The following NRXN3 variants were observed in gnomAD, a reference collection of about 807,000 sequenced individuals.
NRXN3 encodes neurexin III.
In NRXN3, 32 loss-of-function variants were observed where a neutral mutation model predicts 137.6. The ratio of observed to expected loss-of-function variants is 0.23; its 90% CI spans 0.18 to 0.31. The LOEUF is 0.31. Ranked by LOEUF, NRXN3 falls within the 10% of genes least tolerant of loss-of-function variation. The pLI is 1.00. For synonymous variants in NRXN3, 798 were observed against 784.5 expected (o/e 1.02, Z -0.29); for missense variants, 1,574 against 2,062.5 (o/e 0.76, Z 4.59).
chr14:79,416,743 C>T (rs373881996), intron 15 of NRXN3, among the ~76,000 whole-genome samples: 19 of 152,234 alleles, frequency 1.2e-4, no homozygotes, highest in African/African-American at 4.3e-4. Flanking sequence ...ATAGTCAGCC[C>T]ACTTTTCTTC....
intron 15 of NRXN3, among the ~76,000 whole-genome samples, chr14:79,372,718 T>G (rs2094146406): frequency 6.6e-6 from 1 of 152,154 alleles, no homozygotes; most frequent in African/African-American, 2.4e-5. Context: ...TGAATGATTT[T>G]AATATTAGCT....
chr14:79,568,863 C>T (rs2097572650), intron 16 of NRXN3, among the ~76,000 whole-genome samples: 1 of 152,110 alleles, frequency 6.6e-6, no homozygotes, highest in African/African-American at 2.4e-5. Context: ...GTAACAGTAA[C>T]AGAAGAACAT....
intron 15 of NRXN3, among the ~76,000 whole-genome samples, chr14:79,244,411 C>A (rs559405626): frequency 3.3e-5 from 5 of 152,280 alleles, no homozygotes; most frequent in Admixed American, 3.3e-4. Flanking sequence ...TAACCTGCCA[C>A]AGCCTTATGG....
chr14:79,704,546 G>T (rs545438131), intron 19 of NRXN3, among the ~76,000 whole-genome samples: 1 of 152,010 alleles, frequency 6.6e-6, no homozygotes, highest in African/African-American at 2.4e-5. Flanking sequence ...CAGAGCCTCC[G>T]GGGGAAGTTT....
intron 1 of NRXN3, among the ~76,000 whole-genome samples, chr14:78,214,639 A>G (rs1313712636): frequency 6.6e-6 from 1 of 152,206 alleles, no homozygotes; most frequent in African/African-American, 2.4e-5. Flanking sequence ...GTAAAAAGAA[A>G]ATAAGTGTTG....
chr14:78,709,938 A>T, intron 7 of NRXN3: 2 of 406,138 alleles, frequency 4.9e-6, no homozygotes, highest in Non-Finnish European at 9.0e-6. Context: ...TTCCACTGCT[A>T]CCAGAGCAAC....
intron 10 of NRXN3, among the ~76,000 whole-genome samples, chr14:78,813,464 A>G (rs989940774): frequency 6.6e-6 from 1 of 152,032 alleles, no homozygotes; most frequent in Non-Finnish European, 1.5e-5. Context: ...TCTTGCTGCT[A>G]TTTCAATAGA....
intron 15 of NRXN3, among the ~76,000 whole-genome samples, chr14:79,074,314 A>G (rs971588123): frequency 2.0e-5 from 3 of 152,226 alleles, no homozygotes; most frequent in Non-Finnish European, 4.4e-5. Context: ...TGTACTTCCA[A>G]TGAGTTGAAA....
At chr14:78,618,475 G>A (rs1165899527) in intron 4 of NRXN3, among the ~76,000 whole-genome samples, 1 of 152,208 alleles carries the variant, frequency 6.6e-6, no homozygotes, top group Non-Finnish European at 1.5e-5. Context: ...TGTGCTGGAA[G>A]TTAGCTGAAG....
At chr14:78,282,722 G>A (rs1188493161) in intron 3 of NRXN3, among the ~76,000 whole-genome samples, 2 of 152,266 alleles carry the variant, frequency 1.3e-5, no homozygotes, top group South Asian at 2.1e-4. Context: ...CTCCTCCATT[G>A]TAAGTCATCT....
chr14:78,949,914 A>T (rs1394615094), intron 10 of NRXN3, among the ~76,000 whole-genome samples: 1 of 152,170 alleles, frequency 6.6e-6, no homozygotes, highest in African/African-American at 2.4e-5. Flanking sequence ...CTTAAATTAG[A>T]AATGTATTAG....
chr14:79,194,388 A>G (rs1483637292), intron 15 of NRXN3, among the ~76,000 whole-genome samples: 1 of 152,216 alleles, frequency 6.6e-6, no homozygotes, highest in Non-Finnish European at 1.5e-5. Flanking sequence ...GGAACTTCCA[A>G]ATGAACATAT....
intron 2 of NRXN3, among the ~76,000 whole-genome samples, chr14:78,246,303 T>G (rs2067665777): frequency 6.6e-6 from 1 of 152,238 alleles, no homozygotes; most frequent in African/African-American, 2.4e-5. Flanking sequence ...CAGCTCCCAG[T>G]GGAATTTCTT....
intron 15 of NRXN3, among the ~76,000 whole-genome samples, chr14:79,080,005 T>G (rs2046660558): frequency 6.6e-6 from 1 of 151,884 alleles, no homozygotes; most frequent in South Asian, 2.1e-4. Context: ...AAAGTCAAAC[T>G]AGATCACCAT....
At chr14:79,583,710 G>A (rs2153813485) in intron 16 of NRXN3, among the ~76,000 whole-genome samples, 1 of 152,248 alleles carries the variant, frequency 6.6e-6, no homozygotes, top group East Asian at 1.9e-4. Flanking sequence ...TTTGGAGAAA[G>A]GCAGCCCCTC....
At chr14:79,178,184 T>G (rs1231442612) in intron 15 of NRXN3, among the ~76,000 whole-genome samples, 1 of 152,198 alleles carries the variant, frequency 6.6e-6, no homozygotes, top group Non-Finnish European at 1.5e-5. Context: ...CTGAGTTGCA[T>G]TTGTCATACC....
At chr14:79,827,508 C>G (rs898908863) in intron 20 of NRXN3, among the ~76,000 whole-genome samples, 1 of 151,868 alleles carries the variant, frequency 6.6e-6, no homozygotes, top group Non-Finnish European at 1.5e-5. Context: ...AAGAAATACC[C>G]GAGACTGGGT....
At chr14:79,330,701 A>T (rs1407263372) in intron 15 of NRXN3, among the ~76,000 whole-genome samples, 4 of 152,212 alleles carry the variant, frequency 2.6e-5, no homozygotes, top group Admixed American at 2.6e-4. Flanking sequence ...TGGAGAAAGC[A>T]TAGAGAAGAG....
At chr14:78,334,329 T>C (rs532078612) in intron 4 of NRXN3, among the ~76,000 whole-genome samples, 246 of 152,254 alleles carry the variant, frequency 1.6e-3, no homozygotes, top group African/African-American at 4.4e-3. Context: ...AATCACTTCT[T>C]TCCTGTGAGA....
Sources: allele counts gnomAD v4.1 joint callset (sites outside exome capture counted in the v4.1 genomes callset), GRCh38; gene constraint gnomAD v4.1.1; transcripts MANE v1.5; gene names NCBI Gene and HGNC (gene_info 2026-07-23, HGNC 2026-07-21).